PTCHD4: variants seen among roughly 807,000 people sequenced by gnomAD.
The protein encoded by PTCHD4 is patched domain-containing protein 4.
Under a neutral mutation model 58.1 loss-of-function variants are expected in PTCHD4, and 33 were observed. The ratio of observed to expected loss-of-function variants is 0.57; its 90% CI spans 0.43 to 0.76. The LOEUF (loss-of-function observed/expected upper bound fraction) is 0.76. Among genes scored for constraint, PTCHD4 ranks in the 30% least tolerant of loss-of-function variants. PTCHD4 has a pLI of 0.00. For synonymous variants in PTCHD4, 478 were observed against 409.6 expected (o/e 1.17, Z -2.02); for missense variants, 1,058 against 1,027.1 (o/e 1.03, Z -0.41).
chr6:48,010,915 T>C (rs907428266), intron 3 of PTCHD4, among the ~76,000 whole-genome samples: 3 of 152,188 alleles, frequency 2.0e-5, no homozygotes, highest in Non-Finnish European at 4.4e-5. Context: ...AACTCATCCA[T>C]TTTTATGGCT....
chr6:48,033,375 G>A (rs755324038), intron 3 of PTCHD4, among the ~76,000 whole-genome samples: 2 of 151,894 alleles, frequency 1.3e-5, no homozygotes, highest in Admixed American at 6.6e-5. Flanking sequence ...TTTGGAGCCT[G>A]ATGTGCTCTT....
chr6:48,038,182 C>T (rs1361404468), intron 3 of PTCHD4, among the ~76,000 whole-genome samples: 3 of 151,304 alleles, frequency 2.0e-5, no homozygotes, highest in Admixed American at 2.0e-4. Flanking sequence ...CGAATGATGC[C>T]TTTAAATTAT....
intron 3 of PTCHD4, among the ~76,000 whole-genome samples, chr6:48,050,609 C>A (rs922172212): frequency 6.6e-6 from 1 of 151,894 alleles, no homozygotes; most frequent in Admixed American, 6.6e-5. Context: ...TGGTGACAAC[C>A]AAATAAATTC....
At chr6:47,890,867 A>G (rs1364712917) in intron 4 of PTCHD4, 2 of 982,532 alleles carry the variant, frequency 2.0e-6, no homozygotes, top group East Asian at 1.1e-4. Flanking sequence ...ACTATCAGGA[A>G]GTTTTCAATT....
chr6:47,968,403 C>G (rs189296169), intron 4 of PTCHD4, among the ~76,000 whole-genome samples: 1 of 152,146 alleles, frequency 6.6e-6, no homozygotes, highest in South Asian at 2.1e-4. Flanking sequence ...TGAAATAGTG[C>G]GAGAATTAAC....
intron 4 of PTCHD4, among the ~76,000 whole-genome samples, chr6:47,962,986 T>C (rs912007751): frequency 4.0e-5 from 6 of 151,656 alleles, no homozygotes; most frequent in Non-Finnish European, 7.4e-5. Context: ...ACGGTGAAAC[T>C]GCACCTCTCT....
At chr6:47,965,668 C>T (rs1767256228) in intron 4 of PTCHD4, among the ~76,000 whole-genome samples, 1 of 152,148 alleles carries the variant, frequency 6.6e-6, no homozygotes, top group African/African-American at 2.4e-5. Flanking sequence ...TTGGCTCACA[C>T]CTGTAATTCC....
At chr6:47,960,301 A>G (rs557898460) in intron 4 of PTCHD4, among the ~76,000 whole-genome samples, 6 of 152,160 alleles carry the variant, frequency 3.9e-5, no homozygotes, top group Non-Finnish European at 7.4e-5. Context: ...GAAAAAGGGA[A>G]CAAAGAAAAG....
chr6:48,054,545 G>T (rs145272055), intron 3 of PTCHD4, among the ~76,000 whole-genome samples: 1 of 151,986 alleles, frequency 6.6e-6, no homozygotes, highest in Non-Finnish European at 1.5e-5. Flanking sequence ...AAGTCAGAAG[G>T]TTTTACTTTC....
chr6:48,051,838 T>A (rs563155956), intron 3 of PTCHD4, among the ~76,000 whole-genome samples: 2 of 152,166 alleles, frequency 1.3e-5, no homozygotes, highest in African/African-American at 2.4e-5. Context: ...GCCCATTTTT[T>A]AAAAGTATAG....
chr6:48,039,459 G>C (rs983175688), intron 3 of PTCHD4, among the ~76,000 whole-genome samples: 1 of 152,118 alleles, frequency 6.6e-6, no homozygotes, highest in Admixed American at 6.6e-5. Context: ...GGAGGTGAAA[G>C]TATGTTTCTG....
At chr6:48,102,551 T>C (rs1399912838) in intron 1 of PTCHD4, among the ~76,000 whole-genome samples, 2 of 152,038 alleles carry the variant, frequency 1.3e-5, no homozygotes, top group Non-Finnish European at 2.9e-5. Flanking sequence ...AGAAGACGGG[T>C]GATTTCTGCA....
In PTCHD4 at chr6:47,923,870, C is replaced by T. The variant is rs182211700; in HGVS notation, c.899-43934G>A. 1.2e-3 allele frequency among the ~76,000 whole-genome samples: 184 copies of T among 152,262 alleles called. No homozygotes were observed. In the Middle Eastern group the frequency reaches 0.017, roughly 14 times the overall value. ...GTCACCTCAGTTCTCTTGGCACGTG[C>T]TTCTTGTCCCAGCTGGGGGCAGTGA... On this transcript the variant is annotated intron_variant, in intron 4 of 4. Transcript: ENST00000339488.
At chr6:47,900,827 T>A (rs1198618597) in intron 4 of PTCHD4, 10 of 152,254 alleles carry the variant, frequency 6.6e-5, no homozygotes. Context: ...GTTAATGATT[T>A]TCAAATGTTA....
chr6:48,063,763 T>C (rs1299950386), intron 3 of PTCHD4, among the ~76,000 whole-genome samples: 1 of 152,192 alleles, frequency 6.6e-6, no homozygotes, highest in East Asian at 1.9e-4. Flanking sequence ...AAAGGTAAGC[T>C]TAAATCAAAA....
rs1255459263 is a variant in PTCHD4, at chr6:47,956,436, AT to A, written c.898+52197del. Among the ~76,000 whole-genome samples, 15 of 150,462 alleles carry A rather than the reference AT, an allele frequency of 1.0e-4. No individual in the cohort carries two copies. In the East Asian group the frequency reaches 2.9e-3, roughly 29 times the overall value. On this transcript the variant is annotated intron_variant, in intron 4 of 4. Coordinates refer to ENST00000339488, the MANE Select transcript of PTCHD4 (RefSeq NM_001384253.1). ...AGCCAGAGAGTATGGTTTTTTTTTTATTTTTATTTTTTTTTGAGACGGAGTC... is the reference window on the plus strand; with the variant it reads ...AGCCAGAGAGTATGGTTTTTTTTTTATTTTATTTTTTTTTGAGACGGAGTC...
chr6:47,963,967 C>G (rs932425040), intron 4 of PTCHD4, among the ~76,000 whole-genome samples: 2 of 152,128 alleles, frequency 1.3e-5, no homozygotes, highest in African/African-American at 2.4e-5. Context: ...AGGATTAAAC[C>G]ACTCATTATC....
At chr6:48,017,872 G>A (rs943447405) in intron 3 of PTCHD4, among the ~76,000 whole-genome samples, 2 of 152,136 alleles carry the variant, frequency 1.3e-5, no homozygotes, top group Non-Finnish European at 2.9e-5. Flanking sequence ...TATGTACACA[G>A]AGCCAAGAAT....
intron 1 of PTCHD4, among the ~76,000 whole-genome samples, chr6:48,083,790 G>A (rs867011385): frequency 2.0e-5 from 3 of 152,190 alleles, no homozygotes; most frequent in African/African-American, 7.2e-5. Context: ...AAGAAATGGG[G>A]GCCTCAGTTA....
Sources: gnomAD v4.1 joint callset for allele counts (sites outside exome capture counted in the v4.1 genomes callset) on GRCh38, gnomAD v4.1.1 for gene constraint, MANE v1.5 for transcripts, NCBI Gene and HGNC (gene_info 2026-07-23, HGNC 2026-07-21) for gene names.